Variants in UST observed in about 807,000 individuals in gnomAD.
The protein encoded by UST is chondroitin sulfate 2-O-sulfotransferase.
In UST, 21 loss-of-function variants were observed where a neutral mutation model predicts 45.6. The observed-to-expected ratio is 0.46, with a 90% CI of 0.33 to 0.66. UST has a LOEUF of 0.66. UST is among the 30% of genes least tolerant of loss of function. UST has a pLI of 0.02. For synonymous variants in UST, 215 were observed against 200.6 expected, an observed-to-expected ratio of 1.07 and a Z score of -0.61; for missense variants, 463 against 512.4, an observed-to-expected ratio of 0.90 and a Z score of 0.93.
chr6:148,749,864 A>G (rs1158939867), intron 1 of UST, among the ~76,000 whole-genome samples: 1 of 152,194 alleles, frequency 6.6e-6, no homozygotes, highest in African/African-American at 2.4e-5. Context: ...TAGGTTCAAA[A>G]TGACATCATT....
At chr6:148,754,417 A>AT (rs1374255753) in intron 1 of UST, among the ~76,000 whole-genome samples, 1 of 152,172 alleles carries the variant, frequency 6.6e-6, no homozygotes, top group Non-Finnish European at 1.5e-5. Flanking sequence ...CCCAAGGAGT[A>AT]TACACAGAAC....
chr6:148,908,071 G>C (rs1299270687), intron 2 of UST, among the ~76,000 whole-genome samples: 1 of 151,984 alleles, frequency 6.6e-6, no homozygotes, highest in African/African-American at 2.4e-5. Flanking sequence ...ACCATGCCCA[G>C]CTAATTTTTG....
rs1204283378 is a variant in UST at position 148,867,307 on chromosome 6, C to CACACACAG, written c.248-19672_248-19671insGACACACA. 6.3e-5 allele frequency among the ~76,000 whole-genome samples: 9 copies of CACACACAG among 143,238 alleles called. No homozygotes were observed. The Admixed American group carries it at 6.4e-4, about 10-fold the overall frequency. The allele number at this position is 143,238 out of a possible 152,430, so 94.0% of individuals were successfully genotyped here. Reference sequence around the variant, plus strand: ...GAATACACACACACACACACACACACACACACACACACACACACACATATA... The same window carrying CACACACAG: ...GAATACACACACACACACACACACACACACACAGACACACACACACACACACACATATA... On this transcript the variant is annotated intron_variant, in intron 1 of 7. Coordinates refer to ENST00000367463, the MANE Select transcript of UST (RefSeq NM_005715.3).
chr6:148,977,476 G>A (rs1025604063), intron 5 of UST, among the ~76,000 whole-genome samples: 2 of 152,058 alleles, frequency 1.3e-5, no homozygotes, highest in Admixed American at 1.3e-4. Context: ...TCAGGGTCGG[G>A]CGTGGTGGCT....
chr6:148,826,896 CCAT>C (rs1280020935), intron 1 of UST, among the ~76,000 whole-genome samples: 1 of 152,146 alleles, frequency 6.6e-6, no homozygotes, highest in Non-Finnish European at 1.5e-5. Context: ...GACCCTGCTC[CCAT>C]CATCACAGCT....
chr6:149,001,348 G>A (rs936743458), intron 5 of UST, among the ~76,000 whole-genome samples: 28 of 152,282 alleles, frequency 1.8e-4, no homozygotes, highest in African/African-American at 6.7e-4. Flanking sequence ...TGGGATTATA[G>A]GCATAAGCCA....
intron 1 of UST, among the ~76,000 whole-genome samples, chr6:148,855,484 G>A (rs535052927): frequency 6.6e-6 from 1 of 152,356 alleles, no homozygotes; most frequent in East Asian, 1.9e-4. Flanking sequence ...ACAGACGGGA[G>A]AGAAGGAACA....
At chr6:149,001,326 C>T (rs943232148) in intron 5 of UST, among the ~76,000 whole-genome samples, 1 of 152,158 alleles carries the variant, frequency 6.6e-6, no homozygotes, top group African/African-American at 2.4e-5. Flanking sequence ...CCACCTTGGC[C>T]TCCCAAAGTG....
chr6:148,879,552 G>T (rs78944659), intron 1 of UST, among the ~76,000 whole-genome samples: 2,592 of 152,256 alleles, frequency 0.017, 75 homozygotes, highest in African/African-American at 0.058. Flanking sequence ...CTAAGGCTGG[G>T]CCCTGACAGC....
chr6:148,801,166 G>T (rs1480220290), intron 1 of UST, among the ~76,000 whole-genome samples: 1 of 152,110 alleles, frequency 6.6e-6, no homozygotes, highest in Non-Finnish European at 1.5e-5. Context: ...ATCTAGTTTT[G>T]CTGTGTATTG....
intron 5 of UST, among the ~76,000 whole-genome samples, chr6:148,987,336 C>T (rs969517224): frequency 6.6e-6 from 1 of 152,144 alleles, no homozygotes; most frequent in Non-Finnish European, 1.5e-5. Flanking sequence ...CGTCTTGGGG[C>T]CTGAGAGCTT....
At chr6:148,887,841 G>A (rs1778940340) in intron 2 of UST, among the ~76,000 whole-genome samples, 1 of 152,090 alleles carries the variant, frequency 6.6e-6, no homozygotes, top group African/African-American at 2.4e-5. Flanking sequence ...TGTTCTTTCT[G>A]GCCTGTGAAA....
chr6:148,907,744 C>G (rs1026877272), intron 2 of UST, among the ~76,000 whole-genome samples: 2 of 152,046 alleles, frequency 1.3e-5, no homozygotes, highest in African/African-American at 2.4e-5. Flanking sequence ...ACGTACAGAG[C>G]CCTAGAATGG....
intron 1 of UST, among the ~76,000 whole-genome samples, chr6:148,762,623 A>G (rs1296264151): frequency 2.0e-5 from 3 of 150,596 alleles, no homozygotes; most frequent in Non-Finnish European, 4.4e-5. Context: ...TTGGGTTCCT[A>G]GTGTACCCAT....
At chr6:149,025,790 C>T (rs971464207) in intron 7 of UST, among the ~76,000 whole-genome samples, 3 of 151,998 alleles carry the variant, frequency 2.0e-5, no homozygotes, top group African/African-American at 7.3e-5. Context: ...GCAGACAGAT[C>T]ACTTGAGGCT....
At chr6:148,956,068 C>G (rs976117666) in intron 4 of UST, 6 of 152,276 alleles carry the variant, frequency 3.9e-5, no homozygotes, top group African/African-American at 1.4e-4. Context: ...GTCAGGACCT[C>G]TGGTGTCAGA....
At chr6:148,945,740 C>T (rs6941730) in intron 3 of UST, among the ~76,000 whole-genome samples, 54,007 of 152,112 alleles carry the variant, frequency 0.36, 10,064 homozygotes, top group South Asian at 0.46. Context: ...TTTCACCTAG[C>T]GTTTTTGCAG....
intron 2 of UST, among the ~76,000 whole-genome samples, chr6:148,898,554 TCCA>T (rs1779180703): frequency 2.0e-5 from 3 of 152,184 alleles, no homozygotes; most frequent in African/African-American, 4.8e-5. Context: ...TCAGTGGAGA[TCCA>T]TGTCCAAGTT....
At chr6:149,009,079 T>G (rs1261848203) in intron 5 of UST, among the ~76,000 whole-genome samples, 1 of 152,130 alleles carries the variant, frequency 6.6e-6, no homozygotes, top group Non-Finnish European at 1.5e-5. Context: ...GAATAAAGCT[T>G]TAAGAGGGAG....
Sources: allele counts gnomAD v4.1 joint callset (sites outside exome capture counted in the v4.1 genomes callset), GRCh38; gene constraint gnomAD v4.1.1; transcripts MANE v1.5; gene names NCBI Gene and HGNC (gene_info 2026-07-23, HGNC 2026-07-21).